TCF7L1: variants seen among roughly 807,000 people sequenced by gnomAD.
TCF7L1 encodes transcription factor 7 like 1, also known as transcription factor 7-like 1.
TCF7L1 carries 18 observed loss-of-function variants against 63.7 expected under a neutral mutation model. The observed-to-expected ratio is 0.28, with a 90% CI of 0.20 to 0.42. The LOEUF (loss-of-function observed/expected upper bound fraction) is 0.42. Among genes scored for constraint, TCF7L1 ranks in the 10% least tolerant of loss-of-function variants. The pLI, the probability that TCF7L1 is intolerant of heterozygous loss-of-function variation, is 1.00. For synonymous variants in TCF7L1, 355 were observed against 340.9 expected (o/e 1.04, Z -0.46); for missense variants, 654 against 779.3 (o/e 0.84, Z 1.91).
intron 3 of TCF7L1, among the ~76,000 whole-genome samples, chr2:85,160,313 G>A (rs1678255738): frequency 6.6e-6 from 1 of 152,068 alleles, no homozygotes; most frequent in African/African-American, 2.4e-5. Flanking sequence ...GTAGGATAAA[G>A]ACATGCAAAT....
intron 3 of TCF7L1, among the ~76,000 whole-genome samples, chr2:85,244,139 C>T (rs373555638): frequency 2.0e-4 from 31 of 152,016 alleles, no homozygotes; most frequent in East Asian, 9.6e-4. Context: ...GTTCCAGGAG[C>T]GGGCAGAACA....
At chr2:85,262,706 C>T (rs191232718) in intron 3 of TCF7L1, among the ~76,000 whole-genome samples, 71 of 152,296 alleles carry the variant, frequency 4.7e-4, no homozygotes, top group Admixed American at 2.4e-3. Context: ...AGGGTCTCTC[C>T]GGAACTCTGA....
chr2:85,237,384 G>A lies in TCF7L1; in HGVS notation c.442-46111G>A, dbSNP rs115524562. On this transcript the variant is annotated intron_variant, in intron 3 of 11. Transcript: ENST00000282111. The stretch of plus-strand genomic sequence containing the variant: ...CCCTGATTGGAGCCCTGGTGACTCC[G>A]AGGTCTGCAGTGCAGCCCCCTCTCA... 5.0e-3 allele frequency among the ~76,000 whole-genome samples: 756 copies of A among 152,136 alleles called. 8 individuals carry two copies. Among genetic ancestry groups the A allele is most frequent in the African/African-American group, 0.017 (720 of 41,486 alleles).
chr2:85,242,123 T>C lies in TCF7L1; in HGVS notation c.442-41372T>C, dbSNP rs183451163. ...GCCAGTGAGAACTTCTTCTATTATC[T>C]GGATCACTTAAAATCAAACCAAGCA... On this transcript the variant is annotated intron_variant, in intron 3 of 11. Coordinates refer to ENST00000282111, the MANE Select transcript of TCF7L1 (RefSeq NM_031283.3). 6.9e-3 allele frequency among the ~76,000 whole-genome samples: 1,050 copies of C among 152,286 alleles called. 34 individuals carry two copies. Among genetic ancestry groups the C allele is most frequent in the Admixed American group, 0.061 (934 of 15,296 alleles).
At chr2:85,228,420 T>C (rs1331995732) in intron 3 of TCF7L1, among the ~76,000 whole-genome samples, 1 of 152,070 alleles carries the variant, frequency 6.6e-6, no homozygotes, top group Non-Finnish European at 1.5e-5. Flanking sequence ...CACAAAATTC[T>C]GTTTAATAAA....
intron 3 of TCF7L1, among the ~76,000 whole-genome samples, chr2:85,243,210 A>C (rs915950163): frequency 6.6e-6 from 1 of 152,186 alleles, no homozygotes; most frequent in Non-Finnish European, 1.5e-5. Flanking sequence ...GCGCCATTAC[A>C]TGCCTGAGGT....
At chr2:85,271,557 A>T (rs1464462184) in intron 3 of TCF7L1, among the ~76,000 whole-genome samples, 1 of 152,250 alleles carries the variant, frequency 6.6e-6, no homozygotes, top group Non-Finnish European at 1.5e-5. Context: ...CCCAGCACAG[A>T]TGCCACCTCC....
intron 3 of TCF7L1, among the ~76,000 whole-genome samples, chr2:85,171,015 C>T (rs1408066281): frequency 6.6e-6 from 1 of 152,042 alleles, no homozygotes; most frequent in African/African-American, 2.4e-5. Flanking sequence ...TAAAGCCATA[C>T]CTGAGACTGG....
chr2:85,253,461 T>C (rs1191776741), intron 3 of TCF7L1, among the ~76,000 whole-genome samples: 1 of 152,206 alleles, frequency 6.6e-6, no homozygotes, highest in Non-Finnish European at 1.5e-5. Context: ...GGCAAGTCAA[T>C]GCAGAAATAT....
chr2:85,163,291 A>G (rs1377200096), intron 3 of TCF7L1, among the ~76,000 whole-genome samples: 1 of 152,112 alleles, frequency 6.6e-6, no homozygotes, highest in African/African-American at 2.4e-5. Flanking sequence ...TCCTCACTGA[A>G]TATCTGAATG....
rs1682099400 is a variant in TCF7L1 at position 85,306,008 on chromosome 2, G to A, written c.990-198G>A. ...GGAGAGTAGATTTTCAAAGAATCTG[G>A]CGTGGAGATCGTTCAAAGGTGGGAA... On this transcript the variant is annotated intron_variant, in intron 8 of 11. Coordinates refer to ENST00000282111, the MANE Select transcript of TCF7L1 (RefSeq NM_031283.3). The surrounding 1 kb of genome is among the most constrained non-coding windows in gnomAD (Gnocchi z 4.3). 6.6e-6 allele frequency among the ~76,000 whole-genome samples: 1 copy of A among 152,138 alleles called. No homozygotes were observed. Among genetic ancestry groups the A allele is most frequent in the Non-Finnish European group, 1.5e-5 (1 of 68,032 alleles).
chr2:85,159,463 T>C (rs977132889), intron 3 of TCF7L1, among the ~76,000 whole-genome samples: 4 of 152,226 alleles, frequency 2.6e-5, no homozygotes, highest in Non-Finnish European at 2.9e-5. Flanking sequence ...GTGGTGGTTG[T>C]CTGCATGCCC....
intron 3 of TCF7L1, among the ~76,000 whole-genome samples, chr2:85,146,285 AG>A (rs1677878384): frequency 6.6e-6 from 1 of 152,110 alleles, no homozygotes; most frequent in African/African-American, 2.4e-5. Context: ...CCTCCCCAGA[AG>A]GTGATAGAGC....
In TCF7L1 at chr2:85,133,872, A is replaced by G; in HGVS notation, c.188A>G (p.Asp63Gly). Reference protein sequence around the residue: ...SDSASAQRDLDEVKSSLVNES... With the variant: ...SDSASAQRDLGEVKSSLVNES... ...AGCGCCTCGGCGCAGCGGGACCTAG[A>G]CGAGGTCAAGTCGTCCCTGGTCAAC... The change falls in exon 1 of 12, where the codon GAC becomes GGC. Residue 63 changes from aspartate (D) to glycine (G), a missense_variant. Physicochemically the swap from Asp to Gly is moderately conservative, Grantham distance 94. Transcript: ENST00000282111. This position sits in a 1 kb window ranked among gnomAD's most constrained non-coding sequence, Gnocchi z 4.4. 1 of 1,523,168 alleles carries G rather than the reference A, an allele frequency of 6.6e-7. No homozygotes were observed. The highest frequency in any genetic ancestry group is 8.8e-7 in the Non-Finnish European group (1 of 1,134,428). The allele number at this position is 1,523,168 out of a possible 1,614,324, so 94.4% of individuals were successfully genotyped here.
chr2:85,304,104 G>T, intron 6 of TCF7L1, 107 bp downstream of exon 6: 1 of 1,184,504 alleles, frequency 8.4e-7, no homozygotes, highest in South Asian at 1.4e-5. Flanking sequence ...GCAAGCCCAG[G>T]ACTAGGCCTC....
At chr2:85,223,690 C>T (rs1200512168) in intron 3 of TCF7L1, among the ~76,000 whole-genome samples, 1 of 152,158 alleles carries the variant, frequency 6.6e-6, no homozygotes, top group African/African-American at 2.4e-5. Flanking sequence ...GATTTAACCC[C>T]GCAAGGCATA....
chr2:85,174,280 A>G (rs1009734281), intron 3 of TCF7L1, among the ~76,000 whole-genome samples: 2 of 152,082 alleles, frequency 1.3e-5, no homozygotes, highest in African/African-American at 4.8e-5. Flanking sequence ...TGGTGTTTTC[A>G]AGGTTCCTCT....
At chr2:85,213,497 A>G (rs1438022712) in intron 3 of TCF7L1, 1 of 152,154 alleles carries the variant, frequency 6.6e-6, no homozygotes, top group Non-Finnish European at 1.5e-5. Flanking sequence ...TATCAGCCAT[A>G]AATACTTGAA....
chr2:85,236,142 G>T (rs1573003453), intron 3 of TCF7L1, among the ~76,000 whole-genome samples: 1 of 150,342 alleles, frequency 6.7e-6, no homozygotes, highest in East Asian at 1.9e-4. Context: ...GACAGAGCAA[G>T]ACCTTGTCTC....
Sources: gnomAD v4.1 joint callset for allele counts (sites outside exome capture counted in the v4.1 genomes callset) on GRCh38, gnomAD v4.1.1 for gene constraint, Gnocchi (gnomAD v3.1) non-coding constraint, MANE v1.5 for transcripts, NCBI Gene and HGNC (gene_info 2026-07-23, HGNC 2026-07-21) for gene names.